Variants in DAPK1 observed in about 807,000 individuals in gnomAD.
The protein encoded by DAPK1 is death-associated protein kinase 1.
DAPK1 carries 56 observed loss-of-function variants against 144.9 expected under a neutral mutation model. That is an observed-to-expected ratio of 0.39 (90% confidence interval 0.31 to 0.48). The LOEUF (loss-of-function observed/expected upper bound fraction) is 0.48, where lower values mean the gene tolerates loss of function less well. DAPK1 is among the 20% of genes least tolerant of loss of function. The pLI is 0.95. For synonymous variants in DAPK1, 690 were observed against 749.0 expected (o/e 0.92, Z 1.29); for missense variants, 1,454 against 1,875.4 (o/e 0.78, Z 4.15).
chr9:87,647,177 C>A, intron 13 of DAPK1, 128 bp from the exon 14 acceptor site: 2 of 759,576 alleles, frequency 2.6e-6, no homozygotes, highest in Middle Eastern at 3.8e-4. Context: ...GGGTTTTATT[C>A]CTCTGGGAAG....
rs558160976 is a variant in DAPK1, at chr9:87,622,106, TA to T, written c.285-15833del. ...TGATGGCCTCTACCATTTTCATTTC[TA>T]AAAGGTCTCTGGGAACTTTAACAAA... is the stretch of plus-strand genomic sequence containing the variant. On this transcript the variant is annotated intron_variant, in intron 3 of 25. Transcript: ENST00000408954. Among the ~76,000 whole-genome samples the T allele has an allele frequency of 2.8e-4, 42 of 152,130 alleles. 1 individual carries two copies. The South Asian group carries it at 8.5e-3, about 31-fold the overall frequency.
chr9:87,641,772 A>G (rs938819467), intron 9 of DAPK1, among the ~76,000 whole-genome samples, 197 bp from the exon 10 acceptor site: 7 of 152,202 alleles, frequency 4.6e-5, no homozygotes, highest in African/African-American at 1.4e-4. Flanking sequence ...TCCATGGATG[A>G]TACGAAACCC....
chr9:87,518,245 G>A (rs908016844), intron 2 of DAPK1, among the ~76,000 whole-genome samples: 3 of 150,516 alleles, frequency 2.0e-5, no homozygotes, highest in Non-Finnish European at 4.4e-5. Flanking sequence ...CCATGTAGCT[G>A]GGATTACAGG....
intron 2 of DAPK1, among the ~76,000 whole-genome samples, chr9:87,528,478 A>C (rs1825591136): frequency 6.6e-6 from 1 of 152,048 alleles, no homozygotes; most frequent in Non-Finnish European, 1.5e-5. Context: ...TCGGCCTCCC[A>C]AAGTGCTGGG....
At chr9:87,705,783 T>G (rs36220118) in intron 25 of DAPK1, among the ~76,000 whole-genome samples, 9,331 of 152,268 alleles carry the variant, frequency 0.061, 560 homozygotes, top group African/African-American at 0.16. Context: ...TAATTTCTTT[T>G]AAAGCTATTT....
Position 87,686,282 on chromosome 9 carries a change from C to A in DAPK1, c.2225-269C>A, listed in dbSNP as rs955910709. ...AAGCAGAAATCACATGGCAAGCCAG[C>A]CTAGAGACACAATCCCTAGGACCAG... On this transcript the variant is annotated intron_variant, in intron 20 of 25. Transcript: ENST00000408954. The surrounding 1 kb of genome is among the most constrained non-coding windows in gnomAD (Gnocchi z 4.2). 3.9e-5 allele frequency among the ~76,000 whole-genome samples: 6 copies of A among 152,142 alleles called. No homozygotes were observed. The highest frequency in any genetic ancestry group is 7.4e-5 in the Non-Finnish European group (5 of 68,026).
chr9:87,501,031 A>G (rs1306794077), intron 2 of DAPK1, among the ~76,000 whole-genome samples: 1 of 152,214 alleles, frequency 6.6e-6, no homozygotes, highest in Non-Finnish European at 1.5e-5. Context: ...GGATGTAGCC[A>G]CTTCCTGAAA....
intron 2 of DAPK1, among the ~76,000 whole-genome samples, chr9:87,562,066 G>A (rs74884476): frequency 0.12 from 17,827 of 152,204 alleles, 1,345 homozygotes; most frequent in Admixed American, 0.16. Flanking sequence ...GAGATGCATC[G>A]CTGCCCTGAG....
At chr9:87,677,095 C>T (rs1307637538) in intron 19 of DAPK1, among the ~76,000 whole-genome samples, 3 of 152,160 alleles carry the variant, frequency 2.0e-5, no homozygotes, top group Non-Finnish European at 2.9e-5. Context: ...TGGAAGGCGC[C>T]GTGCACGTGG....
rs1825627024 is a variant in DAPK1 at position 87,706,181 on chromosome 9, C to T, written c.3110C>T (p.Pro1037Leu). The T allele has an allele frequency of 6.2e-7, 1 of 1,610,472 alleles. No individual in the cohort carries two copies. The highest frequency in any genetic ancestry group is 1.1e-5 in the South Asian group (1 of 90,986). The change falls in exon 26 of 26, where the codon CCC becomes CTC. Residue 1037 changes from proline to leucine, a missense_variant. By Grantham distance (98) the Pro-to-Leu change is moderately conservative. Transcript: ENST00000408954. The surrounding 1 kb of genome is among the most constrained non-coding windows in gnomAD (Gnocchi z 9.0). ...ETVQDVLLLD[P>L]RWLCTNVLGK... Reference sequence around the variant, plus strand: ...GTTCAGGACGTGCTGCTCCTGGACCCCCGCTGGCTCTGCACAAACGTCCTG... The same window carrying T: ...GTTCAGGACGTGCTGCTCCTGGACCTCCGCTGGCTCTGCACAAACGTCCTG...
In DAPK1 at chr9:87,620,895, G is replaced by A. The variant is rs36209075; in HGVS notation, c.284+15720G>A. Among the ~76,000 whole-genome samples, 82 of 152,232 alleles carry A rather than the reference G, an allele frequency of 5.4e-4. 1 individual carries two copies. Among genetic ancestry groups the A allele is most frequent in the African/African-American group, 1.3e-3 (54 of 41,538 alleles). On this transcript the variant is annotated intron_variant, in intron 3 of 25. Coordinates refer to ENST00000408954, the MANE Select transcript of DAPK1 (RefSeq NM_004938.4). ...GATGCCTGGAGGCCCCTGCTTTTCCGTTTGCCCCACTTTTGATTGGCCTAA... is the reference window on the plus strand; with the variant it reads ...GATGCCTGGAGGCCCCTGCTTTTCCATTTGCCCCACTTTTGATTGGCCTAA...
Position 87,513,388 on chromosome 9 carries a change from C to T in DAPK1, c.62+14249C>T, listed in dbSNP as rs115348238. Among the ~76,000 whole-genome samples the T allele has an allele frequency of 6.0e-3, 909 of 152,200 alleles. 9 individuals carry two copies. The highest frequency in any genetic ancestry group is 0.019 in the African/African-American group (781 of 41,516). On this transcript the variant is annotated intron_variant, in intron 2 of 25. Coordinates refer to ENST00000408954, the MANE Select transcript of DAPK1 (RefSeq NM_004938.4). The stretch of plus-strand genomic sequence containing the variant: ...TTTTTTGGAGTTCAGCCAAGGAGAG[C>T]GTTTTGACTTGGAGGTTTCATTCCT...
chr9:87,693,176 C>T (rs1019285110), intron 21 of DAPK1, among the ~76,000 whole-genome samples: 6 of 151,152 alleles, frequency 4.0e-5, no homozygotes, highest in African/African-American at 1.2e-4. Context: ...TTTTTATCTC[C>T]TTCAGTTTCT....
intron 12 of DAPK1, 93 bp from the exon 13 acceptor site, chr9:87,646,368 C>A: frequency 1.1e-6 from 1 of 912,854 alleles, no homozygotes; most frequent in Non-Finnish European, 1.8e-6. Context: ...TCTGTTGAGA[C>A]AGGGGAAGGT....
intron 2 of DAPK1, among the ~76,000 whole-genome samples, chr9:87,525,960 G>T (rs896586311): frequency 2.0e-5 from 3 of 152,084 alleles, no homozygotes; most frequent in African/African-American, 7.2e-5. Context: ...TAAAATTTTT[G>T]TTGGGTTTTG....
chr9:87,643,811 T>G (rs1251146696), intron 11 of DAPK1, among the ~76,000 whole-genome samples: 1 of 151,890 alleles, frequency 6.6e-6, no homozygotes, highest in Non-Finnish European at 1.5e-5. Flanking sequence ...GCACTGATAT[T>G]TTGGTAAAAG....
At chr9:87,579,478 C>T (rs1028923802) in intron 2 of DAPK1, among the ~76,000 whole-genome samples, 1 of 152,092 alleles carries the variant, frequency 6.6e-6, no homozygotes, top group Non-Finnish European at 1.5e-5. Flanking sequence ...AAGCTCTGTG[C>T]CGGAAAAGTG....
In DAPK1 at chr9:87,636,660, A is replaced by G. The variant is rs562765534; in HGVS notation, c.285-1283A>G. 5.9e-5 allele frequency among the ~76,000 whole-genome samples: 9 copies of G among 152,230 alleles called. No individual in the cohort carries two copies. The South Asian group carries it at 1.7e-3, about 28-fold the overall frequency. ...ACAGCTTTTTTGTCATTCTTATCTG[A>G]TCTTATGAGCACCAATTTTCTTACT... On this transcript the variant is annotated intron_variant, in intron 3 of 25. Transcript: ENST00000408954.
chr9:87,611,176 A>T (rs1468930), intron 3 of DAPK1, among the ~76,000 whole-genome samples: 52,747 of 151,462 alleles, frequency 0.35, 10,873 homozygotes, highest in African/African-American at 0.59. Context: ...ATTTTTTTAA[A>T]AAATATACAG....
Sources: allele counts gnomAD v4.1 joint callset (sites outside exome capture counted in the v4.1 genomes callset), GRCh38; gene constraint gnomAD v4.1.1; non-coding constraint Gnocchi (gnomAD v3.1); transcripts MANE v1.5; gene names NCBI Gene and HGNC (gene_info 2026-07-23, HGNC 2026-07-21).